The following STXBP5 variants were observed in gnomAD, a reference collection of about 807,000 sequenced individuals.
The protein encoded by STXBP5 is syntaxin binding protein 5.
STXBP5 carries 50 observed loss-of-function variants against 152.4 expected under a neutral mutation model. That is an observed-to-expected ratio of 0.33 (90% confidence interval 0.26 to 0.42). The LOEUF (loss-of-function observed/expected upper bound fraction) is 0.42, where lower values mean the gene tolerates loss of function less well. Among genes scored for constraint, STXBP5 ranks in the 10% least tolerant of loss-of-function variants. STXBP5 has a pLI of 1.00. For synonymous variants in STXBP5, 492 were observed against 494.7 expected, an observed-to-expected ratio of 0.99 and a Z score of 0.07; for missense variants, 1,167 against 1,388.6, an observed-to-expected ratio of 0.84 and a Z score of 2.54.
chr6:147,361,250 T>C (rs1785051833), intron 23 of STXBP5, among the ~76,000 whole-genome samples: 1 of 152,060 alleles, frequency 6.6e-6, no homozygotes, highest in Non-Finnish European at 1.5e-5. Flanking sequence ...CAATTTGTAA[T>C]AAGAAAAAAA....
At chr6:147,262,430 C>T in intron 6 of STXBP5, 77 bp downstream of exon 6, 2 of 844,420 alleles carry the variant, frequency 2.4e-6, no homozygotes, top group Non-Finnish European at 3.6e-6. Flanking sequence ...ATTTCAGGAT[C>T]ACACTTATTA....
At chr6:147,367,335 T>C (rs535957428) in intron 25 of STXBP5, among the ~76,000 whole-genome samples, 192 of 152,238 alleles carry the variant, frequency 1.3e-3, no homozygotes, top group African/African-American at 4.2e-3. Flanking sequence ...ATGTCAACTT[T>C]CACTTTAAAG....
At chr6:147,206,916 TCTTAAA>T (rs1335847281) in intron 2 of STXBP5, among the ~76,000 whole-genome samples, 1 of 152,106 alleles carries the variant, frequency 6.6e-6, no homozygotes, top group South Asian at 2.1e-4. Flanking sequence ...CTAAATATAT[TCTTAAA>T]CTTAAGATTT....
At chr6:147,256,336 TATC>T (rs1779363162) in intron 4 of STXBP5, among the ~76,000 whole-genome samples, 1 of 129,686 alleles carries the variant, frequency 7.7e-6, no homozygotes, top group Non-Finnish European at 1.6e-5. Context: ...AGAAATGTAA[TATC>T]ATCTAGAACC....
At chr6:147,251,689 TGCCG>T (rs1436860017) in intron 4 of STXBP5, among the ~76,000 whole-genome samples, 1 of 152,242 alleles carries the variant, frequency 6.6e-6, no homozygotes, top group Non-Finnish European at 1.5e-5. Context: ...CGTTCCTGCC[TGCCG>T]GCTCTGAAGA....
intron 23 of STXBP5, among the ~76,000 whole-genome samples, chr6:147,361,528 G>A (rs1433318584): frequency 6.6e-6 from 1 of 152,138 alleles, no homozygotes; most frequent in African/African-American, 2.4e-5. Flanking sequence ...AGAAAGAGAT[G>A]TTTTCAGGCT....
rs1036354511 is a variant in STXBP5, at chr6:147,373,917, G to A, written c.3193+75G>A. 4 of 874,020 alleles carry A rather than the reference G, an allele frequency of 4.6e-6. No individual in the cohort carries two copies. In the African/African-American group the frequency reaches 5.1e-5, roughly 11 times the overall value. 54.1% of individuals were successfully genotyped at this position (874,020 alleles called of 1,614,324 possible). A position where few individuals can be genotyped will look rare whatever the true frequency, so the allele number is the denominator to read the frequency against. On this transcript the variant is annotated intron_variant, in intron 26 of 27. Coordinates refer to ENST00000321680, the MANE Select transcript of STXBP5 (RefSeq NM_001127715.4). ...GCCATACAAAAATTTTTTTATACGT[G>A]TAAATTATGTTCACTTTTTTTCTCT... is the stretch of plus-strand genomic sequence containing the variant.
intron 21 of STXBP5, among the ~76,000 whole-genome samples, chr6:147,339,750 C>T (rs1272308773): frequency 1.3e-5 from 2 of 151,750 alleles, no homozygotes; most frequent in Non-Finnish European, 2.9e-5. Context: ...TATTCTGTCT[C>T]TCTCATATTT....
chr6:147,347,218 G>A (rs997783045), intron 21 of STXBP5, among the ~76,000 whole-genome samples: 5 of 152,188 alleles, frequency 3.3e-5, no homozygotes, highest in Non-Finnish European at 2.9e-5. Flanking sequence ...TAAACGCCAA[G>A]TTAATAGAAG....
chr6:147,322,022 T>A (rs1222713035), intron 16 of STXBP5, among the ~76,000 whole-genome samples: 1 of 152,222 alleles, frequency 6.6e-6, no homozygotes, highest in African/African-American at 2.4e-5. Context: ...ATGAGTTCTG[T>A]GTGTCCTGGT....
intron 2 of STXBP5, among the ~76,000 whole-genome samples, chr6:147,209,132 T>G (rs1428270697): frequency 6.6e-6 from 1 of 152,122 alleles, no homozygotes; most frequent in African/African-American, 2.4e-5. Context: ...ATTTTTTTTC[T>G]AAACACAATG....
intron 23 of STXBP5, among the ~76,000 whole-genome samples, chr6:147,362,727 G>A (rs1785119714): frequency 6.6e-6 from 1 of 152,044 alleles, no homozygotes; most frequent in African/African-American, 2.4e-5. Context: ...GTAAAAAACA[G>A]GTGAAATTAA....
chr6:147,350,578 T>C (rs1784544385), intron 21 of STXBP5, among the ~76,000 whole-genome samples: 1 of 152,166 alleles, frequency 6.6e-6, no homozygotes, highest in Non-Finnish European at 1.5e-5. Flanking sequence ...ACTTAAAAGG[T>C]TGAGCTTATT....
At chr6:147,292,728 C>G (rs1351671178) in intron 9 of STXBP5, 1 of 152,074 alleles carries the variant, frequency 6.6e-6, no homozygotes, top group African/African-American at 2.4e-5. Context: ...CTATTCTTAT[C>G]TAGTTATTTT....
intron 16 of STXBP5, among the ~76,000 whole-genome samples, chr6:147,316,853 G>A (rs563843753): frequency 3.9e-5 from 6 of 151,914 alleles, no homozygotes; most frequent in South Asian, 2.1e-4. Flanking sequence ...TATTTAAAAC[G>A]TTTTATTGTT....
At chr6:147,348,699 C>G (rs1784450901) in intron 21 of STXBP5, among the ~76,000 whole-genome samples, 1 of 152,056 alleles carries the variant, frequency 6.6e-6, no homozygotes, top group Non-Finnish European at 1.5e-5. Context: ...AAAACTCTAT[C>G]CTAAGGAAAT....
chr6:147,219,799 G>GT (rs35444906), intron 2 of STXBP5, among the ~76,000 whole-genome samples: 28,784 of 86,428 alleles, frequency 0.33, 5,142 homozygotes, highest in East Asian at 0.56. Flanking sequence ...CTAGAAGCTT[G>GT]TTTTTTTTTT....
At chr6:147,241,435 A>C (rs916687820) in intron 4 of STXBP5, among the ~76,000 whole-genome samples, 1 of 152,142 alleles carries the variant, frequency 6.6e-6, no homozygotes, top group African/African-American at 2.4e-5. Context: ...AATATGTGTC[A>C]CCTGTTTATC....
At chr6:147,260,589 T>G (rs932172694) in intron 4 of STXBP5, 26 bp from the exon 5 acceptor site, 1 of 1,613,244 alleles carries the variant, frequency 6.2e-7, no homozygotes, top group East Asian at 2.2e-5. Context: ...TCAAATTTCT[T>G]TTTTGAGTAT....
Sources: gnomAD v4.1 joint callset for allele counts (sites outside exome capture counted in the v4.1 genomes callset) on GRCh38, gnomAD v4.1.1 for gene constraint, MANE v1.5 for transcripts, NCBI Gene and HGNC (gene_info 2026-07-23, HGNC 2026-07-21) for gene names.